MCPH1: variants seen among roughly 807,000 people sequenced by gnomAD.
MCPH1 encodes the protein microcephalin.
A neutral mutation model predicts 84.5 loss-of-function variants in MCPH1; 104 were observed. The ratio of observed to expected loss-of-function variants is 1.23; its 90% CI spans 1.05 to 1.45. The LOEUF is 1.45. Among genes scored for constraint, MCPH1 ranks in the 40% most tolerant of loss-of-function variants. The pLI is 0.00. For synonymous variants in MCPH1, 514 were observed against 366.8 expected, an observed-to-expected ratio of 1.40 and a Z score of -4.58; for missense variants, 1,498 against 1,005.7, an observed-to-expected ratio of 1.49 and a Z score of -6.62.
chr8:6,636,561 C>G (rs925148521), intron 13 of MCPH1, among the ~76,000 whole-genome samples: 5 of 152,066 alleles, frequency 3.3e-5, no homozygotes, highest in African/African-American at 7.2e-5. Context: ...CTCATTGCAG[C>G]CTCTAACTCC....
intron 12 of MCPH1, among the ~76,000 whole-genome samples, chr8:6,611,692 C>T (rs1303954238): frequency 6.6e-6 from 1 of 152,164 alleles, no homozygotes; most frequent in East Asian, 1.9e-4. Flanking sequence ...CATCTCAGCT[C>T]CCTGCAAGCT....
intron 12 of MCPH1, among the ~76,000 whole-genome samples, chr8:6,615,309 G>T (rs1345921122): frequency 6.6e-6 from 1 of 152,164 alleles, no homozygotes; most frequent in African/African-American, 2.4e-5. Context: ...CCACTTTCCT[G>T]CCCATGAAAT....
At chr8:6,506,728 G>A (rs564176655) in intron 12 of MCPH1, among the ~76,000 whole-genome samples, 1 of 151,524 alleles carries the variant, frequency 6.6e-6, no homozygotes, top group South Asian at 2.1e-4. Context: ...ACATAGGGAG[G>A]ACCTGTGGTA....
chr8:6,586,143 T>C (rs762097843), intron 12 of MCPH1, among the ~76,000 whole-genome samples: 1 of 152,110 alleles, frequency 6.6e-6, no homozygotes, highest in Non-Finnish European at 1.5e-5. Flanking sequence ...TTTTTTTTTG[T>C]AGAGACAGAG....
chr8:6,494,321 G>C (rs1304173441), intron 11 of MCPH1: 1 of 152,150 alleles, frequency 6.6e-6, no homozygotes, highest in East Asian at 1.9e-4. Context: ...TCCAAAGATA[G>C]CCTAGAGAGT....
chr8:6,445,092 A>G lies in MCPH1; in HGVS notation c.1370A>G (p.Glu457Gly), dbSNP rs1438992000. The change falls in exon 8 of 14, where the codon GAA (glutamate) becomes GGA (glycine). Residue 457 changes from glutamate to glycine, a missense_variant. Coordinates refer to ENST00000344683, the MANE Select transcript of MCPH1 (RefSeq NM_024596.5). ...AAGAAGGAGAGAACAAGCATATTTG[A>G]AATGTCTGATTTTTCCTGCGTTGGC... ...LSKKERTSIF[E>G]MSDFSCVGKK... 1.2e-6 allele frequency: 2 copies of G among 1,614,158 alleles called. No homozygotes were observed. Among genetic ancestry groups the G allele is most frequent in the Admixed American group, 3.3e-5 (2 of 60,016 alleles).
chr8:6,443,714 G>T (rs77016544), intron 7 of MCPH1, among the ~76,000 whole-genome samples: 1 of 152,170 alleles, frequency 6.6e-6, no homozygotes, highest in African/African-American at 2.4e-5. Flanking sequence ...CAAGGGCAGT[G>T]GGAGGGTCCC....
At position 6,414,764 on chromosome 8, in the gene MCPH1, G is replaced by A; in HGVS notation, c.115-1G>A. ...TTTTGTTTTCTGCATTTTGTCTACA[G>A]GTTTCAAAAACTTTTAACAAACAAG... On this transcript the variant is annotated splice_acceptor_variant, in intron 2 of 13. Transcript: ENST00000344683. LOFTEE classifies it high-confidence loss of function. The A allele has an allele frequency of 6.2e-7, 1 of 1,613,424 alleles. No homozygotes were observed.
intron 12 of MCPH1, among the ~76,000 whole-genome samples, chr8:6,585,306 C>T (rs1178011889): frequency 3.3e-5 from 5 of 152,212 alleles, no homozygotes; most frequent in Non-Finnish European, 5.9e-5. Context: ...CCCACCACAG[C>T]AGTTGTCCCA....
At chr8:6,473,998 C>T in intron 9 of MCPH1, 1 of 927,270 alleles carries the variant, frequency 1.1e-6, no homozygotes, top group Non-Finnish European at 1.7e-6. Flanking sequence ...AAATCTCACA[C>T]TGAATATTGT....
At chr8:6,445,608 A>G (rs766919336) in intron 8 of MCPH1, 61 bp downstream of exon 8, 156 of 1,514,752 alleles carry the variant, frequency 1.0e-4, no homozygotes, top group Middle Eastern at 1.8e-4. Flanking sequence ...GTGCATCCAT[A>G]TTTTAAATTT....
intron 12 of MCPH1, among the ~76,000 whole-genome samples, chr8:6,536,073 T>G (rs531718781): frequency 6.6e-6 from 1 of 151,886 alleles, no homozygotes; most frequent in African/African-American, 2.4e-5. Flanking sequence ...AGAAAAAAAT[T>G]AAAATTAAAA....
intron 13 of MCPH1, among the ~76,000 whole-genome samples, chr8:6,623,784 T>C (rs1481883794): frequency 6.8e-6 from 1 of 147,248 alleles, no homozygotes; most frequent in East Asian, 2.1e-4. Context: ...GCCAAGAATA[T>C]AACCTTCAAA....
At chr8:6,611,256 G>A (rs1321666478) in intron 12 of MCPH1, among the ~76,000 whole-genome samples, 1 of 152,020 alleles carries the variant, frequency 6.6e-6, no homozygotes, top group African/African-American at 2.4e-5. Flanking sequence ...TTGTGGCACC[G>A]CCTGCCTGGA....
chr8:6,556,492 G>C (rs7015809), intron 12 of MCPH1, among the ~76,000 whole-genome samples: 1 of 108,566 alleles, frequency 9.2e-6, no homozygotes, highest in East Asian at 2.8e-4. Context: ...CCTTTGTGCT[G>C]TGTTTAATTT....
intron 13 of MCPH1, among the ~76,000 whole-genome samples, chr8:6,633,579 T>C (rs1212536621): frequency 1.3e-5 from 2 of 152,042 alleles, no homozygotes; most frequent in South Asian, 2.1e-4. Context: ...AAAGCACAGG[T>C]GCACGACACA....
intron 12 of MCPH1, among the ~76,000 whole-genome samples, chr8:6,575,652 G>A (rs748452810): frequency 3.3e-5 from 5 of 152,294 alleles, no homozygotes; most frequent in African/African-American, 4.8e-5. Context: ...CCCTCAGCAC[G>A]TGACCGTCTT....
intron 8 of MCPH1, chr8:6,447,140 C>G: frequency 1.0e-6 from 1 of 985,428 alleles, no homozygotes; most frequent in African/African-American, 1.7e-5. Context: ...ATAAAAAGAC[C>G]TACATGTTGG....
chr8:6,606,264 A>G (rs150432113), intron 12 of MCPH1, among the ~76,000 whole-genome samples: 12 of 152,356 alleles, frequency 7.9e-5, no homozygotes, highest in African/African-American at 2.6e-4. Context: ...TTACTCGCAC[A>G]TAAAATAATA....
Sources: allele counts gnomAD v4.1 joint callset (sites outside exome capture counted in the v4.1 genomes callset), GRCh38; gene constraint gnomAD v4.1.1; transcripts MANE v1.5; gene names NCBI Gene and HGNC (gene_info 2026-07-23, HGNC 2026-07-21).